The following ARID4B variants were observed in gnomAD, a reference collection of about 807,000 sequenced individuals.
ARID4B encodes the protein AT-rich interaction domain 4B.
A neutral mutation model predicts 147.5 loss-of-function variants in ARID4B; 26 were observed. The ratio of observed to expected loss-of-function variants is 0.18; its 90% CI spans 0.13 to 0.24. ARID4B has a LOEUF of 0.24. Among genes scored for constraint, ARID4B ranks in the 10% least tolerant of loss-of-function variants. ARID4B has a pLI of 1.00. For synonymous variants in ARID4B, 512 were observed against 507.9 expected (o/e 1.01, Z -0.11); for missense variants, 1,179 against 1,511.5 (o/e 0.78, Z 3.65).
chr1:235,229,167 T>C (rs759172619), intron 11 of ARID4B, 64 bp downstream of exon 11: 1 of 1,555,116 alleles, frequency 6.4e-7, no homozygotes, highest in South Asian at 1.2e-5. Flanking sequence ...TGCCAAATCC[T>C]AACCCACAAG....
chr1:235,183,980 T>A (rs1333168383), intron 19 of ARID4B, among the ~76,000 whole-genome samples: 1 of 152,070 alleles, frequency 6.6e-6, no homozygotes, highest in African/African-American at 2.4e-5. Context: ...GGTCTCGTCA[T>A]GTTGCCAAGG....
At chr1:235,295,809 CAAA>C (rs77831174) in intron 2 of ARID4B, 3 of 124,464 alleles carry the variant, frequency 2.4e-5, no homozygotes, top group Non-Finnish European at 3.5e-5. Flanking sequence ...GACTACGTCC[CAAA>C]AAAAAAAAAA....
chr1:235,222,962 C>A (rs578073265), intron 13 of ARID4B, among the ~76,000 whole-genome samples: 1 of 152,040 alleles, frequency 6.6e-6, no homozygotes, highest in African/African-American at 2.4e-5. Flanking sequence ...GGGTTGCAGG[C>A]ATGAGCCACC....
intron 17 of ARID4B, among the ~76,000 whole-genome samples, chr1:235,206,867 C>T (rs911178792): frequency 6.6e-6 from 1 of 152,104 alleles, no homozygotes; most frequent in African/African-American, 2.4e-5. Context: ...AACAGTTCTG[C>T]TGAATGAAAA....
At chr1:235,214,837 C>CGT (rs1553292981) in intron 16 of ARID4B, among the ~76,000 whole-genome samples, 1 of 102,326 alleles carries the variant, frequency 9.8e-6, no homozygotes, top group Non-Finnish European at 1.8e-5. Context: ...GTATTACATC[C>CGT]TTTTTTTTTT....
At chr1:235,295,176 T>C (rs1234595383) in intron 2 of ARID4B, among the ~76,000 whole-genome samples, 1 of 152,150 alleles carries the variant, frequency 6.6e-6, no homozygotes, top group Non-Finnish European at 1.5e-5. Context: ...TATAATATAA[T>C]GTTAATGTTG....
intron 2 of ARID4B, among the ~76,000 whole-genome samples, chr1:235,279,214 C>A (rs527949836): frequency 9.2e-5 from 14 of 152,088 alleles, no homozygotes; most frequent in Non-Finnish European, 1.8e-4. Flanking sequence ...CCCCCACCCC[C>A]GGCAAGACTG....
chr1:235,323,963 T>G (rs374007413), intron 2 of ARID4B, among the ~76,000 whole-genome samples: 2 of 151,542 alleles, frequency 1.3e-5, no homozygotes, highest in Non-Finnish European at 2.9e-5. Flanking sequence ...TGGAGTTCAG[T>G]GGCGCAACCT....
chr1:235,285,750 G>A (rs1671930036), intron 2 of ARID4B, among the ~76,000 whole-genome samples: 1 of 152,124 alleles, frequency 6.6e-6, no homozygotes, highest in African/African-American at 2.4e-5. Context: ...CAAGATCACA[G>A]GATACACAAT....
At chr1:235,300,418 TAAAA>T (rs34888924) in intron 2 of ARID4B, among the ~76,000 whole-genome samples, 2 of 143,588 alleles carry the variant, frequency 1.4e-5, no homozygotes, top group Admixed American at 6.9e-5. Flanking sequence ...CTCCGTCTCA[TAAAA>T]AAAAAAAAAA....
intron 1 of ARID4B, 92 bp from the exon 2 acceptor site, chr1:235,327,060 C>T: frequency 2.3e-6 from 2 of 881,502 alleles, no homozygotes; most frequent in Non-Finnish European, 1.8e-6. Flanking sequence ...ACGTCCGAAC[C>T]CCGAAGAAAG....
chr1:235,277,401 TG>T (rs1409710724), intron 2 of ARID4B, among the ~76,000 whole-genome samples: 1 of 151,772 alleles, frequency 6.6e-6, no homozygotes, highest in Non-Finnish European at 1.5e-5. Flanking sequence ...TAGCCTGGCA[TG>T]GTGGCGCACG....
At chr1:235,278,257 T>C (rs189353164) in intron 2 of ARID4B, among the ~76,000 whole-genome samples, 1 of 152,348 alleles carries the variant, frequency 6.6e-6, no homozygotes, top group African/African-American at 2.4e-5. Flanking sequence ...AGGTTACTTA[T>C]CTACCTAGGG....
At chr1:235,197,202 CTAAT>C (rs1440057167) in intron 17 of ARID4B, among the ~76,000 whole-genome samples, 9 of 152,004 alleles carry the variant, frequency 5.9e-5, no homozygotes, top group African/African-American at 1.7e-4. Context: ...ACATTAAAAA[CTAAT>C]TGACATTCTC....
At chr1:235,220,195 CAA>C in intron 15 of ARID4B, 105 bp downstream of exon 15, 1 of 847,366 alleles carries the variant, frequency 1.2e-6, no homozygotes, top group African/African-American at 1.7e-5. Flanking sequence ...AGAAAATAAA[CAA>C]ATAATAAAGA....
At chr1:235,268,233 G>A (rs1670745022) in intron 2 of ARID4B, among the ~76,000 whole-genome samples, 1 of 152,122 alleles carries the variant, frequency 6.6e-6, no homozygotes. Context: ...AATATAGTGG[G>A]GGCCATGTTT....
In ARID4B at chr1:235,294,477, C is replaced by CCTCCTGAGCAGCTGGGATT. The variant is rs1558286744; in HGVS notation, c.6+32436_6+32437insAATCCCAGCTGCTCAGGAG. ...TCCCGCTTGAACCCAGGGGTTCAAG[C>CCTCCTGAGCAGCTGGGATT]AATTCTCCCGCTTGAACCCAGGGGT... On this transcript the variant is annotated intron_variant, in intron 2 of 23. Transcript: ENST00000264183. Among the ~76,000 whole-genome samples, 25 of 26,084 alleles carry CCTCCTGAGCAGCTGGGATT rather than the reference C, an allele frequency of 9.6e-4. 1 individual carries two copies. Among genetic ancestry groups the CCTCCTGAGCAGCTGGGATT allele is most frequent in the Admixed American group, 1.3e-3 (3 of 2,224 alleles). The allele number at this position is 26,084 out of a possible 152,430, so 17.1% of individuals were successfully genotyped here.
chr1:235,185,553 G>T (rs976566554), intron 19 of ARID4B, among the ~76,000 whole-genome samples: 18 of 152,268 alleles, frequency 1.2e-4, no homozygotes, highest in African/African-American at 4.3e-4. Flanking sequence ...TAGGTCCACT[G>T]TTAACTGAAT....
At chr1:235,279,223 T>C (rs2103171697) in intron 2 of ARID4B, among the ~76,000 whole-genome samples, 1 of 151,522 alleles carries the variant, frequency 6.6e-6, no homozygotes, top group South Asian at 2.1e-4. Flanking sequence ...CCGGCAAGAC[T>C]GAGAAACACT....
Sources: allele counts gnomAD v4.1 joint callset (sites outside exome capture counted in the v4.1 genomes callset), GRCh38; gene constraint gnomAD v4.1.1; transcripts MANE v1.5; gene names NCBI Gene and HGNC (gene_info 2026-07-23, HGNC 2026-07-21).